The following ARHGAP26 variants were observed in gnomAD, a reference collection of about 807,000 sequenced individuals.
The protein encoded by ARHGAP26 is Rho GTPase activating protein 26, also known as rho GTPase-activating protein 26.
In ARHGAP26, 38 loss-of-function variants were observed where a neutral mutation model predicts 104.8. That is an observed-to-expected ratio of 0.36 (90% CI 0.28 to 0.48). The LOEUF (loss-of-function observed/expected upper bound fraction) is 0.48. ARHGAP26 is among the 20% of genes least tolerant of loss of function. ARHGAP26 has a pLI of 0.99. For missense variants in ARHGAP26, 704 were observed against 947.9 expected (o/e 0.74, Z 3.38); for synonymous variants, 341 against 340.0 (o/e 1.00, Z -0.03).
At chr5:142,916,344 G>A (rs1402566473) in intron 10 of ARHGAP26, among the ~76,000 whole-genome samples, 1 of 152,110 alleles carries the variant, frequency 6.6e-6, no homozygotes, top group Non-Finnish European at 1.5e-5. Context: ...TATCCTAGGA[G>A]GTCAATATTG....
chr5:142,824,366 A>G (rs566293709), intron 1 of ARHGAP26, among the ~76,000 whole-genome samples: 1 of 152,260 alleles, frequency 6.6e-6, no homozygotes, highest in South Asian at 2.1e-4. Context: ...CCTATCAAAC[A>G]CCACACCCTG....
chr5:142,802,559 C>A (rs974322821), intron 1 of ARHGAP26, among the ~76,000 whole-genome samples: 6 of 152,140 alleles, frequency 3.9e-5, no homozygotes, highest in African/African-American at 1.4e-4. Flanking sequence ...CTTAAAGTTG[C>A]AGTTTCCAAG....
At chr5:143,065,105 T>G (rs796356831) in intron 17 of ARHGAP26, among the ~76,000 whole-genome samples, 1 of 152,194 alleles carries the variant, frequency 6.6e-6, no homozygotes, top group South Asian at 2.1e-4. Context: ...TTTTTCTTAC[T>G]TGGTGCCGCC....
chr5:143,100,004 G>C (rs895019057), intron 17 of ARHGAP26, among the ~76,000 whole-genome samples: 1 of 152,098 alleles, frequency 6.6e-6, no homozygotes, highest in Non-Finnish European at 1.5e-5. Context: ...TGAGCAAACA[G>C]GAAAATAACT....
intron 1 of ARHGAP26, among the ~76,000 whole-genome samples, chr5:142,816,075 G>A (rs1250188651): frequency 1.3e-5 from 2 of 152,052 alleles, no homozygotes; most frequent in East Asian, 3.9e-4. Context: ...TGGGATTACA[G>A]GTGTGAACCA....
At chr5:143,046,058 C>T (rs371585449) in intron 14 of ARHGAP26, among the ~76,000 whole-genome samples, 11 of 152,072 alleles carry the variant, frequency 7.2e-5, no homozygotes, top group Non-Finnish European at 1.2e-4. Context: ...TGCTTGAACC[C>T]GGGAGGCGGA....
At position 142,903,639 on chromosome 5, in the gene ARHGAP26, A is replaced by G; in HGVS notation, c.802A>G (p.Met268Val). 6.2e-7 allele frequency: 1 copy of G among 1,613,900 alleles called. No individual in the cohort carries two copies. Residue 268 changes from methionine (M) to valine (V), a missense_variant, in exon 8 of 23, where the codon ATG (methionine) becomes GTG (valine). Around this residue, in one of 6 missense-constraint regions of ARHGAP26, gnomAD observed 287 missense variants for 438.8 expected, o/e 0.65. Coordinates refer to ENST00000645722, the MANE Select transcript of ARHGAP26 (RefSeq NM_001135608.3). ...LEHKTISPYT[M>V]EGYLYVQEKR... ...GCACAAGACCATCAGTCCCTACACCATGGAGGGATACCTCTACGTGCAGGA... is the reference window on the plus strand; with the variant it reads ...GCACAAGACCATCAGTCCCTACACCGTGGAGGGATACCTCTACGTGCAGGA...
rs534741651 is a variant in ARHGAP26 at position 143,174,047 on chromosome 5, A to G, written c.1988+26666A>G. 1.5e-4 allele frequency among the ~76,000 whole-genome samples: 23 copies of G among 152,334 alleles called. No homozygotes were observed. The South Asian group carries it at 4.6e-3, about 30-fold the overall frequency. On this transcript the variant is annotated intron_variant, in intron 20 of 22. Coordinates refer to ENST00000645722, the MANE Select transcript of ARHGAP26 (RefSeq NM_001135608.3). ...GGAAGGGTGACATCTGTTTCTTCCA[A>G]TAGCCTCTCCATGTTGTTTAGAAAT...
At chr5:142,880,532 C>G (rs1043187649) in intron 4 of ARHGAP26, among the ~76,000 whole-genome samples, 3 of 151,190 alleles carry the variant, frequency 2.0e-5, no homozygotes, top group African/African-American at 7.3e-5. Flanking sequence ...AAAAAAAAAT[C>G]ACTAGGAAAC....
chr5:143,129,878 C>A (rs991566434), intron 18 of ARHGAP26, among the ~76,000 whole-genome samples: 2 of 152,176 alleles, frequency 1.3e-5, no homozygotes, highest in Non-Finnish European at 2.9e-5. Flanking sequence ...TCCTTGCTTG[C>A]ACAAGGGAAA....
chr5:143,020,625 T>G (rs1780190109), intron 12 of ARHGAP26, among the ~76,000 whole-genome samples: 1 of 144,654 alleles, frequency 6.9e-6, no homozygotes. Context: ...AATCTAGTGC[T>G]CTAGTGCTTT....
chr5:142,974,375 A>G (rs1772724647), intron 11 of ARHGAP26, among the ~76,000 whole-genome samples: 1 of 152,162 alleles, frequency 6.6e-6, no homozygotes, highest in African/African-American at 2.4e-5. Flanking sequence ...AAACCCTGGC[A>G]GGATGATGCC....
At position 142,871,709 on chromosome 5, in the gene ARHGAP26, CT is replaced by C. The variant is rs1755335397; in HGVS notation, c.155-1689del. 6.6e-6 allele frequency among the ~76,000 whole-genome samples: 1 copy of C among 152,174 alleles called. No individual in the cohort carries two copies. The highest frequency in any genetic ancestry group is 1.5e-5 in the Non-Finnish European group (1 of 68,034). On this transcript the variant is annotated intron_variant, in intron 1 of 22. Coordinates refer to ENST00000645722, the MANE Select transcript of ARHGAP26 (RefSeq NM_001135608.3). This position sits in a 1 kb window ranked among gnomAD's most constrained non-coding sequence, Gnocchi z 4.1. ...TCTGGCTTTTGGGTGCATCTGTTTC[CT>C]TCCTGGCTTGCCTTTTGTGATTTGT...
chr5:143,183,083 A>AG (rs1321952661), intron 20 of ARHGAP26, among the ~76,000 whole-genome samples: 1 of 151,554 alleles, frequency 6.6e-6, no homozygotes, highest in Non-Finnish European at 1.5e-5. Flanking sequence ...CAAAAAAAAA[A>AG]AAAAAAAAGA....
intron 6 of ARHGAP26, 98 bp downstream of exon 6, chr5:142,894,446 G>C: frequency 8.9e-7 from 1 of 1,121,244 alleles, no homozygotes; most frequent in Non-Finnish European, 1.3e-6. Flanking sequence ...TGATGAAGAG[G>C]TTGAGCAGCC....
At chr5:143,129,490 C>A (rs1381607791) in intron 18 of ARHGAP26, among the ~76,000 whole-genome samples, 1 of 152,148 alleles carries the variant, frequency 6.6e-6, no homozygotes, top group Non-Finnish European at 1.5e-5. Flanking sequence ...TTATGTCTTC[C>A]CATTTTGTCC....
chr5:143,154,874 T>A (rs1197085784), intron 20 of ARHGAP26, among the ~76,000 whole-genome samples: 1 of 152,114 alleles, frequency 6.6e-6, no homozygotes. Flanking sequence ...AAAAAGCAAT[T>A]TTACCATCCC....
At chr5:142,856,382 G>A (rs1052746547) in intron 1 of ARHGAP26, among the ~76,000 whole-genome samples, 3 of 152,230 alleles carry the variant, frequency 2.0e-5, no homozygotes, top group South Asian at 2.1e-4. Context: ...TTGGAAGATC[G>A]CTGTTTGGCC....
chr5:142,890,168 A>ATATG (rs1562024179), intron 5 of ARHGAP26, among the ~76,000 whole-genome samples: 1 of 89,428 alleles, frequency 1.1e-5, no homozygotes, highest in African/African-American at 4.9e-5. Flanking sequence ...ATATATATAT[A>ATATG]TATATATATA....
Sources: allele counts gnomAD v4.1 joint callset (sites outside exome capture counted in the v4.1 genomes callset), GRCh38; gene constraint gnomAD v4.1.1; regional missense constraint gnomAD v4.1.1; non-coding constraint Gnocchi (gnomAD v3.1); transcripts MANE v1.5; gene names NCBI Gene and HGNC (gene_info 2026-07-23, HGNC 2026-07-21).